The following SPDYE18 variants were observed in gnomAD, a reference collection of about 807,000 sequenced individuals.
SPDYE18 encodes the protein speedy protein E18.
Under a neutral mutation model 44.9 loss-of-function variants are expected in SPDYE18, and 6 were observed. That is an observed-to-expected ratio of 0.13 (90% CI 0.07 to 0.26). The LOEUF is 0.26. Ranked by LOEUF, SPDYE18 falls within the 10% of genes least tolerant of loss-of-function variation. The pLI, the probability that SPDYE18 is intolerant of heterozygous loss-of-function variation, is 1.00. For synonymous variants in SPDYE18, 35 were observed against 177.1 expected (o/e 0.20, Z 6.37); for missense variants, 121 against 463.2 (o/e 0.26, Z 6.78).
intron 8 of SPDYE18, among the ~76,000 whole-genome samples, chr7:77,052,137 G>A (rs1034957438): frequency 7.1e-6 from 1 of 141,612 alleles, no homozygotes; most frequent in Non-Finnish European, 1.5e-5. Flanking sequence ...ACTTTGGGTG[G>A]GTCTGCCCAG....
intron 1 of SPDYE18, among the ~76,000 whole-genome samples, 99 bp downstream of exon 1, chr7:77,062,397 A>C (rs942166622): frequency 1.4e-3 from 208 of 151,234 alleles, no homozygotes; most frequent in Non-Finnish European, 2.5e-3. Flanking sequence ...TTAGAAGATC[A>C]ATGTTCTGAC....
At position 77,050,790 on chromosome 7, in the gene SPDYE18, A is replaced by T. The variant is rs556900622; in HGVS notation, c.*1135T>A. ...GGAAAACAAAATTATATGTATGTGTATATAATAGTTATAACACCCATCACA... is the reference window on the plus strand; with the variant it reads ...GGAAAACAAAATTATATGTATGTGTTTATAATAGTTATAACACCCATCACA... On this transcript the variant is annotated 3_prime_UTR_variant, in exon 9 of 9. Coordinates refer to ENST00000510091, the MANE Select transcript of SPDYE18 (RefSeq NM_001394953.1). 1.3e-5 allele frequency among the ~76,000 whole-genome samples: 2 copies of T among 152,006 alleles called. No individual in the cohort carries two copies. The highest frequency in any genetic ancestry group is 3.9e-4 in the East Asian group (2 of 5,182).
chr7:77,055,619 C>T (rs1187225079), intron 5 of SPDYE18, among the ~76,000 whole-genome samples: 5 of 61,198 alleles, frequency 8.2e-5, no homozygotes, highest in East Asian at 1.7e-3. Context: ...GTGTGCCAGG[C>T]AGAGAACTGT....
At position 77,051,749 on chromosome 7, in the gene SPDYE18, C is replaced by T. The variant is rs531169723; in HGVS notation, c.*176G>A. On this transcript the variant is annotated 3_prime_UTR_variant, in exon 9 of 9. Transcript: ENST00000510091. ...AGGACAACGTGATCACTGTATTCAG[C>T]TCCATCAAGAATGGTCCAGGTTCTT... Among the ~76,000 whole-genome samples the T allele has an allele frequency of 1.4e-5, 2 of 147,410 alleles. No individual in the cohort carries two copies. Among genetic ancestry groups the T allele is most frequent in the South Asian group, 4.2e-4 (2 of 4,714 alleles).
rs976453928 is a variant in SPDYE18, at chr7:77,060,285, C to T, written c.160+68G>A. ...GTGCTGGGGTTACAGGCGTGAGCCACCGCACCCGGCCCCCTTCCTTCGTCT... is the reference window on the plus strand; with the variant it reads ...GTGCTGGGGTTACAGGCGTGAGCCATCGCACCCGGCCCCCTTCCTTCGTCT... On this transcript the variant is annotated intron_variant, in intron 2 of 8. Transcript: ENST00000510091. 6.6e-5 allele frequency: 101 copies of T among 1,531,060 alleles called. No homozygotes were observed. In the Admixed American group the frequency reaches 1.9e-3, roughly 29 times the overall value. The allele number at this position is 1,531,060 out of a possible 1,614,324, so 94.8% of individuals were successfully genotyped here. A position where few individuals can be genotyped will look rare whatever the true frequency, so the allele number is the denominator to read the frequency against.
chr7:77,057,434 A>T (rs1250838323), intron 4 of SPDYE18, among the ~76,000 whole-genome samples: 6 of 151,378 alleles, frequency 4.0e-5, no homozygotes, highest in African/African-American at 1.5e-4. Context: ...AAGCTTTCTT[A>T]TCCCAAGCGC....
intron 4 of SPDYE18, among the ~76,000 whole-genome samples, 172 bp downstream of exon 4, chr7:77,057,465 T>C (rs1209659253): frequency 2.0e-5 from 3 of 151,090 alleles, no homozygotes; most frequent in Non-Finnish European, 4.4e-5. Flanking sequence ...CAAGTTGACC[T>C]AATCCTTTAT....
rs1789841041 is a variant in SPDYE18 at position 77,053,005 on chromosome 7, A to ATC, written c.953_954insGA (p.Cys318TrpfsTer4). The ATC allele has an allele frequency of 6.2e-7, 1 of 1,612,862 alleles. No homozygotes were observed. Among genetic ancestry groups the ATC allele is most frequent in the Non-Finnish European group, 8.5e-7 (1 of 1,179,282 alleles). Reference sequence around the variant, plus strand: ...AAACCCAAGCCCTGCCGCTCATGGAACAGAAGAACTGGAACCGAAGTTTCT... The same window carrying ATC: ...AAACCCAAGCCCTGCCGCTCATGGAATCCAGAAGAACTGGAACCGAAGTTTCT... On this transcript the variant is annotated frameshift_variant, in exon 7 of 9. Transcript: ENST00000510091. LOFTEE classifies it high-confidence loss of function.
At chr7:77,062,237 C>A (rs1395705414) in intron 1 of SPDYE18, among the ~76,000 whole-genome samples, 2 of 145,212 alleles carry the variant, frequency 1.4e-5, no homozygotes, top group African/African-American at 5.0e-5. Context: ...GGAAGCAGAT[C>A]CCATTGCTGT....
intron 6 of SPDYE18, among the ~76,000 whole-genome samples, chr7:77,054,117 T>C (rs1364161941): frequency 3.3e-5 from 5 of 152,198 alleles, no homozygotes; most frequent in Non-Finnish European, 5.9e-5. Context: ...CTAATCCCAG[T>C]GTCCAGGATG....
rs1276504225 is a variant in SPDYE18 at position 77,050,962 on chromosome 7, C to T, written c.*963G>A. Among the ~76,000 whole-genome samples the T allele has an allele frequency of 3.3e-5, 5 of 150,636 alleles. No homozygotes were observed. The highest frequency in any genetic ancestry group is 1.2e-4 in the African/African-American group (5 of 41,304). ...AAATAATACTTAAATAATTCTATAC[C>T]CATGTTTTTCAAAATAAACCAATAA... On this transcript the variant is annotated 3_prime_UTR_variant, in exon 9 of 9. Transcript: ENST00000510091.
At position 77,060,584 on chromosome 7, in the gene SPDYE18, G is replaced by A. The variant is rs1010369502; in HGVS notation, c.-72C>T. On this transcript the variant is annotated 5_prime_UTR_variant, in exon 2 of 9. Transcript: ENST00000510091. ...TTCTCAAGCCTAGGAGAAGTCAGGA[G>A]TGGAGAACAGCTCTGAGAAGATACT... 589 of 1,533,828 alleles carry A rather than the reference G, an allele frequency of 3.8e-4. 1 individual carries two copies. Among genetic ancestry groups the A allele is most frequent in the Non-Finnish European group, 4.1e-4 (470 of 1,146,066 alleles).
intron 6 of SPDYE18, among the ~76,000 whole-genome samples, chr7:77,054,679 A>G (rs1251337963): frequency 3.3e-5 from 5 of 151,258 alleles, no homozygotes; most frequent in East Asian, 1.9e-4. Flanking sequence ...CCGCTCCTCC[A>G]CTCCTTTTCT....
Position 77,060,529 on chromosome 7 carries a change from C to G in SPDYE18, c.-17G>C. The G allele has an allele frequency of 2.0e-6, 3 of 1,535,006 alleles. No homozygotes were observed. On this transcript the variant is annotated 5_prime_UTR_variant, in exon 2 of 9. Transcript: ENST00000510091. ...TCTGTCCATGGCCTTCTTCTGGACA[C>G]TGCTAGGATCCAGAAGAGTATGTTA...
At chr7:77,062,031 C>T (rs1380633359) in intron 1 of SPDYE18, among the ~76,000 whole-genome samples, 3 of 127,996 alleles carry the variant, frequency 2.3e-5, no homozygotes, top group Non-Finnish European at 4.9e-5. Flanking sequence ...CAGGAGAGGG[C>T]GCTGGAGAAT....
rs1751632417 is a variant in SPDYE18 at position 77,060,396 on chromosome 7, G to T, written c.117C>A (p.Tyr39Ter). 1.2e-5 allele frequency: 19 copies of T among 1,535,494 alleles called. No individual in the cohort carries two copies. The highest frequency in any genetic ancestry group is 1.7e-5 in the Non-Finnish European group (19 of 1,146,914). ...CATCATCCACCACCTCCTGGAGGGG[G>T]TACCCCGAGGTGCTCCGCTGGAGAC... The part of the protein sequence containing the change: ...EQSLQRSTSG[Y>*]PLQEVVDDEV... The change falls in exon 2 of 9, where the codon TAC becomes TAA. Residue 39 changes from tyrosine (Y) to a stop codon, truncating the protein, a stop_gained. Coordinates refer to ENST00000510091, the MANE Select transcript of SPDYE18 (RefSeq NM_001394953.1). LOFTEE classifies it high-confidence loss of function.
chr7:77,053,186 A>T lies in SPDYE18; in HGVS notation c.773T>A (p.Met258Lys). The T allele has an allele frequency of 2.5e-6, 4 of 1,613,654 alleles. No individual in the cohort carries two copies. Among genetic ancestry groups the T allele is most frequent in the Non-Finnish European group, 3.4e-6 (4 of 1,180,018 alleles). Residue 258 changes from methionine to lysine, a missense_variant, in exon 7 of 9, where the codon ATG becomes AAG. By Grantham distance (95) the Met-to-Lys change is moderately conservative. Transcript: ENST00000510091. Reference protein sequence around the residue: ...FFLALYLANDMEEDDEDPKQN... With the variant: ...FFLALYLANDKEEDDEDPKQN... ...TTTGGGGTCCTCGTCGTCCTCCTCC[A>T]TGTCATTGGCCAGGTAGCTGAGGAC...
intron 4 of SPDYE18, among the ~76,000 whole-genome samples, chr7:77,057,378 A>C (rs536245722): frequency 2.0e-5 from 3 of 152,072 alleles, no homozygotes; most frequent in South Asian, 2.1e-4. Flanking sequence ...CAGCCTCCCA[A>C]CGTGCTGGGA....
chr7:77,054,547 G>T (rs1400500803), intron 6 of SPDYE18, among the ~76,000 whole-genome samples: 1 of 151,430 alleles, frequency 6.6e-6, no homozygotes, highest in South Asian at 2.1e-4. Flanking sequence ...ATGCGAGGGG[G>T]ACCTGAACTG....
Sources: allele counts gnomAD v4.1 joint callset (sites outside exome capture counted in the v4.1 genomes callset), GRCh38; gene constraint gnomAD v4.1.1; transcripts MANE v1.5; gene names NCBI Gene and HGNC (gene_info 2026-07-23, HGNC 2026-07-21).